ATP2A1: variants seen among roughly 807,000 people sequenced by gnomAD.
ATP2A1 encodes the protein ATPase sarcoplasmic/endoplasmic reticulum Ca2+ transporting 1.
Under a neutral mutation model 109.5 loss-of-function variants are expected in ATP2A1, and 83 were observed. The observed-to-expected ratio is 0.76, with a 90% confidence interval of 0.63 to 0.91. The LOEUF is 0.91. Among genes scored for constraint, ATP2A1 ranks in the 40% least tolerant of loss-of-function variants. The probability of loss-of-function intolerance (pLI) is 0.00; values close to 1 mark genes in which losing one functional copy is unlikely to be tolerated. For missense variants in ATP2A1, 1,101 were observed against 1,341.0 expected (o/e 0.82, Z 2.80); for synonymous variants, 505 against 537.6 (o/e 0.94, Z 0.84).
In ATP2A1 at chr16:28,902,858, G is replaced by C; in HGVS notation, c.2691G>C (p.Met897Ile). 1 of 1,613,974 alleles carries C rather than the reference G, an allele frequency of 6.2e-7. No homozygotes were observed. Among genetic ancestry groups the C allele is most frequent in the Non-Finnish European group, 8.5e-7 (1 of 1,179,960 alleles). Reference sequence around the variant, plus strand: ...AGGTCTTCGAGGCCCCCGAGCCCATGACCATGGCCCTGTCCGTGCTGGTGA... The same window carrying C: ...AGGTCTTCGAGGCCCCCGAGCCCATCACCATGGCCCTGTCCGTGCTGGTGA... ...DCEVFEAPEP[M>I]TMALSVLVTI... is the part of the protein sequence containing the mutation. The change falls in exon 19 of 23, where the codon ATG (methionine) becomes ATC (isoleucine). Residue 897 changes from methionine to isoleucine, a missense_variant. Transcript: ENST00000395503. The surrounding 1 kb of genome is among the most constrained non-coding windows in gnomAD (Gnocchi z 4.8).
rs113803159 is a variant in ATP2A1 at position 28,887,457 on chromosome 16, C to G, written c.663C>G (p.Gly221=). 9,240 of 1,614,078 alleles carry G rather than the reference C, an allele frequency of 5.7e-3. 33 individuals carry two copies. Among genetic ancestry groups the G allele is most frequent in the Non-Finnish European group, 7.0e-3 (8,294 of 1,180,004 alleles). ...GTNIAAGKAL[G]IVATTGVGTE... ...ACATTGCAGCCGGCAAGGCCTTGGG[C>G]ATCGTGGCCACCACTGGTGTGGGCA... Residue 221 remains glycine (G), a synonymous_variant, in exon 8 of 23, where the codon GGC becomes GGG. Coordinates refer to ENST00000395503, the MANE Select transcript of ATP2A1 (RefSeq NM_004320.6).
intron 14 of ATP2A1, 88 bp from the exon 15 acceptor site, chr16:28,900,465 CCACCCCTCCCCACCACTTCCTGACCTTT>C: frequency 1.1e-6 from 1 of 931,622 alleles, no homozygotes. Context: ...TTCAGGCTTC[CCACCCCTCCCCACCACTTCCTGACCTTT>C]CACCCCATCC....
rs150834766 is a variant in ATP2A1, at chr16:28,897,656, G to A, written c.1420-344G>A. Among the ~76,000 whole-genome samples, 723 of 152,200 alleles carry A rather than the reference G, an allele frequency of 4.8e-3. 4 individuals carry two copies. The highest frequency in any genetic ancestry group is 0.016 in the African/African-American group (667 of 41,516). The stretch of plus-strand genomic sequence containing the variant: ...AGCTAATTTTTGTATTTTTAGTAGA[G>A]ACAGGGTTTCACCATGTTGGCCAGG... On this transcript the variant is annotated intron_variant, in intron 12 of 22. Coordinates refer to ENST00000395503, the MANE Select transcript of ATP2A1 (RefSeq NM_004320.6).
chr16:28,887,227 C>G lies in ATP2A1; in HGVS notation c.583C>G (p.Pro195Ala). 1 of 1,613,918 alleles carries G rather than the reference C, an allele frequency of 6.2e-7. No homozygotes were observed. Among genetic ancestry groups the G allele is most frequent in the Non-Finnish European group, 8.5e-7 (1 of 1,179,990 alleles). ...TGTCATCAAACACACGGAGCCCGTTCCTGACCCCCGAGCTGTCAACCAGGA... is the reference window on the plus strand; with the variant it reads ...TGTCATCAAACACACGGAGCCCGTTGCTGACCCCCGAGCTGTCAACCAGGA... ...VSVIKHTEPV[P>A]DPRAVNQDKK... The change falls in exon 7 of 23, where the codon CCT (proline) becomes GCT (alanine). Residue 195 changes from proline (P) to alanine (A), a missense_variant. Physicochemically the swap from Pro to Ala is conservative, Grantham distance 27. Coordinates refer to ENST00000395503, the MANE Select transcript of ATP2A1 (RefSeq NM_004320.6).
rs774583870 is a variant in ATP2A1 at position 28,902,788 on chromosome 16, T to C, written c.2621T>C (p.Met874Thr). Residue 874 changes from methionine (M) to threonine (T), a missense_variant, in exon 19 of 23, where the codon ATG becomes ACG. By Grantham distance (81) the Met-to-Thr change is moderately conservative. Transcript: ENST00000395503. This position sits in a 1 kb window ranked among gnomAD's most constrained non-coding sequence, Gnocchi z 4.8. ...GTACCTTCCCTGCAGACTCACTTCA[T>C]GCAGTGCACCGAGGACAACACCCAC... ...HVNYSQLTHF[M>T]QCTEDNTHFE... The C allele has an allele frequency of 9.9e-6, 16 of 1,613,720 alleles. No homozygotes were observed. The highest frequency in any genetic ancestry group is 1.4e-5 in the Non-Finnish European group (16 of 1,179,864).
chr16:28,904,100 T>C (rs776680363), intron 22 of ATP2A1, 80 bp from the exon 23 acceptor site: 46 of 1,301,298 alleles, frequency 3.5e-5, no homozygotes, highest in Non-Finnish European at 4.9e-5. Flanking sequence ...TCCAGGTAAG[T>C]GCGTGCCTGG....
intron 9 of ATP2A1, 65 bp downstream of exon 9, chr16:28,889,018 C>T: frequency 6.3e-7 from 1 of 1,594,180 alleles, no homozygotes; most frequent in Non-Finnish European, 8.6e-7. Context: ...ATGGGCCCTC[C>T]AAAGATAGAG....
Position 28,903,301 on chromosome 16 carries a change from G to A in ATP2A1, c.2863-22G>A. 1.9e-6 allele frequency: 3 copies of A among 1,602,938 alleles called. No individual in the cohort carries two copies. The highest frequency in any genetic ancestry group is 2.6e-6 in the Non-Finnish European group (3 of 1,170,096). ...GCTCCCTCCCCACCCCCTCCTGAGA[G>A]GGCGCTTGTCCCCTGCCCCAGATGA... On this transcript the variant is annotated intron_variant, in intron 20 of 22. Coordinates refer to ENST00000395503, the MANE Select transcript of ATP2A1 (RefSeq NM_004320.6). The surrounding 1 kb of genome is among the most constrained non-coding windows in gnomAD (Gnocchi z 5.6).
intron 3 of ATP2A1, chr16:28,879,923 G>GCCACTC (rs1567478168): frequency 3.3e-6 from 3 of 896,616 alleles, no homozygotes; most frequent in Non-Finnish European, 4.1e-6. Context: ...GGGGGCCACT[G>GCCACTC]CCACTCCCGG....
In ATP2A1 at chr16:28,883,849, C is replaced by T. The variant is rs1376435301; in HGVS notation, c.464-726C>T. ...TGTCCCCAGCTCACTCTCCCTGGCT[C>T]CCCGCCTCCCTGCCTCCCTGAGATG... On this transcript the variant is annotated intron_variant, in intron 5 of 22. Transcript: ENST00000395503. This position sits in a 1 kb window ranked among gnomAD's most constrained non-coding sequence, Gnocchi z 5.2. Among the ~76,000 whole-genome samples, 2 of 152,116 alleles carry T rather than the reference C, an allele frequency of 1.3e-5. No homozygotes were observed. Among genetic ancestry groups the T allele is most frequent in the African/African-American group, 4.8e-5 (2 of 41,412 alleles).
At position 28,880,055 on chromosome 16, in the gene ATP2A1, C is replaced by T. The variant is rs934333953; in HGVS notation, c.219+472C>T. The T allele has an allele frequency of 8.0e-6, 8 of 1,003,570 alleles. No homozygotes were observed. In the East Asian group the frequency reaches 7.9e-4, roughly 99 times the overall value. 62.2% of individuals were successfully genotyped at this position (1,003,570 alleles called of 1,614,324 possible). A position where few individuals can be genotyped will look rare whatever the true frequency, so the allele number is the denominator to read the frequency against. On this transcript the variant is annotated intron_variant, in intron 3 of 22. Coordinates refer to ENST00000395503, the MANE Select transcript of ATP2A1 (RefSeq NM_004320.6). This position sits in a 1 kb window ranked among gnomAD's most constrained non-coding sequence, Gnocchi z 4.2. ...GGACTCGCTCCTAGTGGCGGGAAAG[C>T]GCGGCGGTGTGATGATGACTCCAAG...
At position 28,902,468 on chromosome 16, in the gene ATP2A1, C is replaced by T. The variant is rs1964108401; in HGVS notation, c.2524+82C>T. The stretch of plus-strand genomic sequence containing the variant: ...GGACACCAGCTCCCCCATGCAGGTG[C>T]TGAGAGGGTCTTCTTCCTTGGCCAG... On this transcript the variant is annotated intron_variant, in intron 17 of 22. Coordinates refer to ENST00000395503, the MANE Select transcript of ATP2A1 (RefSeq NM_004320.6). This position sits in a 1 kb window ranked among gnomAD's most constrained non-coding sequence, Gnocchi z 4.8. The T allele has an allele frequency of 1.9e-6, 3 of 1,568,822 alleles. No homozygotes were observed. In the South Asian group the frequency reaches 3.4e-5, roughly 18 times the overall value.
rs745800569 is a variant in ATP2A1, at chr16:28,902,196, C to G, written c.2334C>G (p.Thr778=). ...NVGEVVCIFL[T]AALGLPEALI... ...CTCCTTCCCACAGTATCTTCCTGAC[C>G]GCTGCCCTGGGGCTGCCTGAGGCCC... is the stretch of plus-strand genomic sequence containing the variant. The change falls in exon 17 of 23, where the codon ACC becomes ACG. Residue 778 remains threonine, a synonymous_variant. Coordinates refer to ENST00000395503, the MANE Select transcript of ATP2A1 (RefSeq NM_004320.6). This position sits in a 1 kb window ranked among gnomAD's most constrained non-coding sequence, Gnocchi z 4.8. The G allele has an allele frequency of 1.4e-5, 22 of 1,614,082 alleles. No individual in the cohort carries two copies. Among genetic ancestry groups the G allele is most frequent in the Non-Finnish European group, 1.6e-5 (19 of 1,179,964 alleles).
chr16:28,901,809 A>C, intron 15 of ATP2A1, 54 bp from the exon 16 acceptor site: 1 of 1,485,282 alleles, frequency 6.7e-7, no homozygotes, highest in African/African-American at 1.4e-5. Flanking sequence ...AACCTTTTTT[A>C]AAAAGGAGGG....
At chr16:28,889,643 AG>A (rs1963714666) in intron 9 of ATP2A1, among the ~76,000 whole-genome samples, 1 of 152,164 alleles carries the variant, frequency 6.6e-6, no homozygotes. Context: ...AACAGAGTTG[AG>A]CTTCAAACCC....
intron 12 of ATP2A1, among the ~76,000 whole-genome samples, chr16:28,895,742 GTACTC>G (rs1459591746): frequency 6.6e-6 from 1 of 151,830 alleles, no homozygotes; most frequent in Non-Finnish European, 1.5e-5. Context: ...GTGCAAAACT[GTACTC>G]TAGCTACTAG....
Position 28,902,533 on chromosome 16 carries a change from C to T in ATP2A1, c.2525-47C>T, listed in dbSNP as rs1479121065. ...CATGAGGCCCTCAACCCTCGATGCC[C>T]CCTATCTCCCCAGCCCTGACCCCCG... On this transcript the variant is annotated intron_variant, in intron 17 of 22. Transcript: ENST00000395503. The surrounding 1 kb of genome is among the most constrained non-coding windows in gnomAD (Gnocchi z 4.8). 3.1e-6 allele frequency: 5 copies of T among 1,596,890 alleles called. No individual in the cohort carries two copies. In the South Asian group the frequency reaches 3.3e-5, roughly 11 times the overall value.
At chr16:28,889,413 C>G (rs909882330) in intron 9 of ATP2A1, among the ~76,000 whole-genome samples, 1 of 152,018 alleles carries the variant, frequency 6.6e-6, no homozygotes, top group Non-Finnish European at 1.5e-5. Context: ...CCTGCCACCA[C>G]GCCTGGCTAA....
intron 2 of ATP2A1, 126 bp downstream of exon 2, chr16:28,879,242 C>T: frequency 1.5e-6 from 2 of 1,299,068 alleles, no homozygotes; most frequent in Non-Finnish European, 2.2e-6. Flanking sequence ...AAATCTCCCT[C>T]CCTAAAGGTT....
Sources: allele counts gnomAD v4.1 joint callset (sites outside exome capture counted in the v4.1 genomes callset), GRCh38; gene constraint gnomAD v4.1.1; non-coding constraint Gnocchi (gnomAD v3.1); transcripts MANE v1.5; gene names NCBI Gene and HGNC (gene_info 2026-07-23, HGNC 2026-07-21).